Variants in ZNF362 observed in about 807,000 individuals in gnomAD.
ZNF362 encodes zinc finger protein 362, also known as rotund homolog.
ZNF362 carries 11 observed loss-of-function variants against 42.9 expected under a neutral mutation model. That is an observed-to-expected ratio of 0.26 (90% confidence interval 0.16 to 0.42). The LOEUF (loss-of-function observed/expected upper bound fraction) is 0.42, where lower values mean the gene tolerates loss of function less well. ZNF362 is among the 20% of genes least tolerant of loss of function. The pLI, the probability that ZNF362 is intolerant of heterozygous loss-of-function variation, is 1.00. For synonymous variants in ZNF362, 255 were observed against 257.3 expected (o/e 0.99, Z 0.09); for missense variants, 362 against 576.2 (o/e 0.63, Z 3.81).
the ZNF362 span, among the ~76,000 whole-genome samples, chr1:33,203,939 G>C: frequency 2.0e-5 from 3 of 151,996 alleles, no homozygotes; most frequent in Non-Finnish European, 2.9e-5. Context: ...TCCTTTTACT[G>C]ACTGTTTCCC....
the ZNF362 span, chr1:33,147,807 A>G: frequency 6.6e-6 from 10 of 1,510,376 alleles, no homozygotes; most frequent in Admixed American, 5.8e-5. The surrounding 1 kb of genome is among the most constrained non-coding windows in gnomAD (Gnocchi z 8.1). Context: ...CTGAGGGCAG[A>G]GTTCTGGTTG....
At chr1:33,262,529 G>A (rs556600315) in intron 1 of ZNF362, among the ~76,000 whole-genome samples, 39 of 151,992 alleles carry the variant, frequency 2.6e-4, no homozygotes, top group African/African-American at 3.9e-4. Flanking sequence ...GGATGGTCTC[G>A]ATCTCCTGAC....
chr1:33,195,865 T>C, the ZNF362 span: 1 of 152,142 alleles, frequency 6.6e-6, no homozygotes, highest in East Asian at 1.9e-4. Context: ...ATTTTCTTTC[T>C]TCGATAATAA....
the ZNF362 span, among the ~76,000 whole-genome samples, chr1:33,249,630 C>A: frequency 6.6e-6 from 1 of 152,038 alleles, no homozygotes; most frequent in African/African-American, 2.4e-5. Context: ...TATGCCACTG[C>A]CCTTGGAAGA....
chr1:33,264,785 C>T (rs372259506), intron 1 of ZNF362, among the ~76,000 whole-genome samples: 17 of 152,152 alleles, frequency 1.1e-4, no homozygotes, highest in African/African-American at 4.1e-4. Flanking sequence ...GGTTAGTTAC[C>T]TCTCTGAGCC....
the ZNF362 span, among the ~76,000 whole-genome samples, chr1:33,206,131 A>G: frequency 3.3e-5 from 5 of 152,182 alleles, no homozygotes; most frequent in African/African-American, 9.6e-5. Context: ...AACTTGAGCC[A>G]TAACTTCAAA....
chr1:33,287,907 T>A (rs1188219510), intron 6 of ZNF362, among the ~76,000 whole-genome samples: 1 of 152,194 alleles, frequency 6.6e-6, no homozygotes, highest in Admixed American at 6.5e-5. Flanking sequence ...TCAAGGAATG[T>A]TTAACCTTCA....
At chr1:33,169,326 G>A in the ZNF362 span, among the ~76,000 whole-genome samples, 3 of 152,124 alleles carry the variant, frequency 2.0e-5, no homozygotes, top group African/African-American at 4.8e-5. Flanking sequence ...GATTCCTACC[G>A]CCTCCAAACC....
chr1:33,189,709 G>GTGTATATATATATATATATATATA, the ZNF362 span, among the ~76,000 whole-genome samples: 1,266 of 11,804 alleles, frequency 0.11, 60 homozygotes, highest in Middle Eastern at 0.14. Context: ...ACATATATAC[G>GTGTATATATATATATATATATATA]TATATATATA....
At chr1:33,284,576 A>G (rs955501166) in intron 6 of ZNF362, among the ~76,000 whole-genome samples, 1 of 152,144 alleles carries the variant, frequency 6.6e-6, no homozygotes, top group Non-Finnish European at 1.5e-5. Context: ...TTGATGATTT[A>G]TTATTTCATA....
the ZNF362 span, among the ~76,000 whole-genome samples, chr1:33,250,329 A>G: frequency 2.0e-5 from 3 of 152,202 alleles, no homozygotes; most frequent in African/African-American, 4.8e-5. Flanking sequence ...AAGACATGGA[A>G]TCAACCAAAA....
chr1:33,225,391 T>C, the ZNF362 span, among the ~76,000 whole-genome samples: 1 of 152,194 alleles, frequency 6.6e-6, no homozygotes, highest in East Asian at 1.9e-4. Flanking sequence ...TGCTCTCCTT[T>C]TACCTAAATG....
chr1:33,130,815 C>T, the ZNF362 span, among the ~76,000 whole-genome samples: 5 of 152,356 alleles, frequency 3.3e-5, no homozygotes, highest in East Asian at 1.9e-4. Flanking sequence ...TGTAGGCCAT[C>T]TCTCTAATAA....
chr1:33,216,464 G>A, the ZNF362 span, among the ~76,000 whole-genome samples: 539 of 143,842 alleles, frequency 3.7e-3, 1 homozygote, highest in African/African-American at 0.013. Flanking sequence ...GCCAGGCGTG[G>A]TGGCAGGCGC....
At chr1:33,159,570 T>G in the ZNF362 span, 5 of 1,383,164 alleles carry the variant, frequency 3.6e-6, no homozygotes, top group Non-Finnish European at 4.8e-6. This position sits in a 1 kb window ranked among gnomAD's most constrained non-coding sequence, Gnocchi z 4.2. Context: ...AAATGTTTGA[T>G]GAAGATTTGA....
chr1:33,237,107 G>A, the ZNF362 span, among the ~76,000 whole-genome samples: 1,018 of 151,896 alleles, frequency 6.7e-3, 21 homozygotes, highest in African/African-American at 0.024. Flanking sequence ...ACATCACATC[G>A]TACCTCATAA....
chr1:33,208,754 A>G, the ZNF362 span, among the ~76,000 whole-genome samples: 77 of 152,160 alleles, frequency 5.1e-4, 1 homozygote, highest in African/African-American at 1.8e-3. Context: ...AATGCTTGTG[A>G]TTTTTGCACA....
the ZNF362 span, among the ~76,000 whole-genome samples, chr1:33,177,041 A>ACC: frequency 4.1e-4 from 24 of 58,394 alleles, no homozygotes; most frequent in South Asian, 0.011. This position sits in a 1 kb window ranked among gnomAD's most constrained non-coding sequence, Gnocchi z 4.1. Flanking sequence ...ATACACATGC[A>ACC]CACACACACG....
the ZNF362 span, among the ~76,000 whole-genome samples, chr1:33,192,979 C>CCACACACACACA: frequency 4.3e-5 from 6 of 139,878 alleles, no homozygotes; most frequent in East Asian, 2.2e-4. Context: ...GTCTCTCTCT[C>CCACACACACACA]CACACACACA....
Sources: allele counts gnomAD v4.1 joint callset (sites outside exome capture counted in the v4.1 genomes callset), GRCh38; gene constraint gnomAD v4.1.1; non-coding constraint Gnocchi (gnomAD v3.1); transcripts MANE v1.5; gene names NCBI Gene and HGNC (gene_info 2026-07-23, HGNC 2026-07-21).